The following RBFOX3 variants were observed in gnomAD, a reference collection of about 807,000 sequenced individuals.
RBFOX3 encodes the protein RNA binding fox-1 homolog 3, also known as RNA binding protein fox-1 homolog 3.
RBFOX3 carries 17 observed loss-of-function variants against 48.7 expected under a neutral mutation model. That is an observed-to-expected ratio of 0.35 (90% confidence interval 0.24 to 0.52). RBFOX3 has a LOEUF of 0.52. Among genes scored for constraint, RBFOX3 ranks in the 20% least tolerant of loss-of-function variants. The pLI is 0.94. For synonymous variants in RBFOX3, 212 were observed against 209.5 expected (o/e 1.01, Z -0.10); for missense variants, 382 against 497.5 (o/e 0.77, Z 2.21).
intron 2 of RBFOX3, among the ~76,000 whole-genome samples, chr17:79,445,212 G>A (rs797032390): frequency 6.6e-6 from 1 of 152,282 alleles, no homozygotes; most frequent in African/African-American, 2.4e-5. Flanking sequence ...CTGGGAACAC[G>A]GGTAGGTGTG....
At chr17:79,547,184 T>TA (rs2090556503) in intron 1 of RBFOX3, among the ~76,000 whole-genome samples, 1 of 151,990 alleles carries the variant, frequency 6.6e-6, no homozygotes, top group Non-Finnish European at 1.5e-5. Context: ...ACTTTTCTAT[T>TA]AAAAAATCAC....
At chr17:79,258,795 G>A (rs934017506) in intron 3 of RBFOX3, among the ~76,000 whole-genome samples, 3 of 152,100 alleles carry the variant, frequency 2.0e-5, no homozygotes, top group South Asian at 2.1e-4. Context: ...TCCCACCCTC[G>A]CCACACCATC....
chr17:79,526,891 C>T (rs956199871), intron 1 of RBFOX3, among the ~76,000 whole-genome samples: 3,874 of 152,342 alleles, frequency 0.025, 65 homozygotes, highest in African/African-American at 0.045. Flanking sequence ...ACCAGGTCAG[C>T]CCCCTCCTGC....
chr17:79,324,878 A>C (rs1242358725), intron 2 of RBFOX3, among the ~76,000 whole-genome samples: 1 of 152,236 alleles, frequency 6.6e-6, no homozygotes, highest in Admixed American at 6.5e-5. Flanking sequence ...AGAGCCATGA[A>C]ATATTGCCCA....
chr17:79,322,926 T>G (rs766971668), intron 2 of RBFOX3, among the ~76,000 whole-genome samples: 6 of 152,200 alleles, frequency 3.9e-5, no homozygotes, highest in Non-Finnish European at 7.3e-5. Flanking sequence ...ACAAGCGTAT[T>G]GGATTGCTGG....
intron 2 of RBFOX3, among the ~76,000 whole-genome samples, chr17:79,339,272 T>C (rs934349696): frequency 6.6e-6 from 1 of 152,178 alleles, no homozygotes; most frequent in African/African-American, 2.4e-5. Context: ...CCCAGGCTGA[T>C]CTTGAAGTCC....
At chr17:79,097,500 G>GCCCCCCCCGCGCACCTAGC in intron 10 of RBFOX3, 76 bp from the exon 11 acceptor site, 1 of 1,342,152 alleles carries the variant, frequency 7.5e-7, no homozygotes. Flanking sequence ...CGTACACCTA[G>GCCCCCCCCGCGCACCTAGC]CCCCCCCGCG....
At chr17:79,546,470 A>G (rs534370738) in intron 1 of RBFOX3, among the ~76,000 whole-genome samples, 1 of 151,864 alleles carries the variant, frequency 6.6e-6, no homozygotes, top group South Asian at 2.1e-4. Context: ...GAGCAAGACG[A>G]CTCCCTAAAC....
intron 4 of RBFOX3, among the ~76,000 whole-genome samples, chr17:79,138,259 C>A (rs982772903): frequency 6.6e-6 from 1 of 152,312 alleles, no homozygotes; most frequent in East Asian, 1.9e-4. Flanking sequence ...CATGCCTCTA[C>A]ATACCTGTAT....
the RBFOX3 span, among the ~76,000 whole-genome samples, chr17:79,619,773 A>C: frequency 6.6e-6 from 1 of 151,794 alleles, no homozygotes; most frequent in Non-Finnish European, 1.5e-5. Context: ...CCCAGGAAGC[A>C]CTCCAGGGAC....
chr17:79,291,099 T>C (rs2073172509), intron 3 of RBFOX3, among the ~76,000 whole-genome samples: 1 of 152,204 alleles, frequency 6.6e-6, no homozygotes, highest in Non-Finnish European at 1.5e-5. Context: ...AAGACCATGA[T>C]AAAATGCCAG....
chr17:79,188,946 TC>T (rs1327886727), intron 4 of RBFOX3, among the ~76,000 whole-genome samples: 1 of 152,202 alleles, frequency 6.6e-6, no homozygotes, highest in East Asian at 1.9e-4. Flanking sequence ...GAGAAACAGA[TC>T]TTTGGTCTTC....
intron 4 of RBFOX3, among the ~76,000 whole-genome samples, chr17:79,162,390 TG>T (rs1568257554): frequency 1.3e-5 from 2 of 151,824 alleles, no homozygotes; most frequent in African/African-American, 4.8e-5. Flanking sequence ...GTGAGTGGAG[TG>T]CCGCGCCCAG....
At chr17:79,475,102 CT>C (rs1295516755) in intron 2 of RBFOX3, among the ~76,000 whole-genome samples, 1 of 152,136 alleles carries the variant, frequency 6.6e-6, no homozygotes, top group African/African-American at 2.4e-5. Context: ...TGGGGTCTGG[CT>C]TTTAATTCTT....
rs571321411 is a variant in RBFOX3 at position 79,271,868 on chromosome 17, G to A, written c.-74+35856C>T. 5.5e-3 allele frequency among the ~76,000 whole-genome samples: 845 copies of A among 152,340 alleles called. 2 individuals carry two copies. The highest frequency in any genetic ancestry group is 7.6e-3 in the Non-Finnish European group (516 of 68,032). ...CTAGAGGCACAGGAGTTCCCCGGGGGCTCCCCATGGCTCCAAAGGGTCTAG... is the reference window on the plus strand; with the variant it reads ...CTAGAGGCACAGGAGTTCCCCGGGGACTCCCCATGGCTCCAAAGGGTCTAG... On this transcript the variant is annotated intron_variant, in intron 3 of 14. Transcript: ENST00000693108.
At chr17:79,649,719 T>C in the RBFOX3 span, among the ~76,000 whole-genome samples, 1 of 151,960 alleles carries the variant, frequency 6.6e-6, no homozygotes, top group Admixed American at 6.6e-5. Context: ...AAAAAAGAAA[T>C]ACTTGAAACT....
chr17:79,173,485 C>T (rs1229859098), intron 4 of RBFOX3, among the ~76,000 whole-genome samples: 1 of 152,176 alleles, frequency 6.6e-6, no homozygotes, highest in Non-Finnish European at 1.5e-5. Flanking sequence ...GTGGGGAGGG[C>T]CTATTCTCTC....
At chr17:79,316,477 G>A (rs533650823) in intron 2 of RBFOX3, among the ~76,000 whole-genome samples, 1 of 152,300 alleles carries the variant, frequency 6.6e-6, no homozygotes, top group Non-Finnish European at 1.5e-5. Flanking sequence ...GCCAGGGACT[G>A]TTACTCAGGA....
intron 5 of RBFOX3, among the ~76,000 whole-genome samples, chr17:79,112,915 T>A (rs4998341): frequency 3.3e-5 from 2 of 60,178 alleles, no homozygotes; most frequent in Admixed American, 3.6e-4. Flanking sequence ...GGGGGGGGGG[T>A]GGGCTGGGTA....
Sources: gnomAD v4.1 joint callset for allele counts (sites outside exome capture counted in the v4.1 genomes callset) on GRCh38, gnomAD v4.1.1 for gene constraint, MANE v1.5 for transcripts, NCBI Gene and HGNC (gene_info 2026-07-23, HGNC 2026-07-21) for gene names.